RUNX1: variants seen among roughly 807,000 people sequenced by gnomAD.
RUNX1 encodes the protein RUNX family transcription factor 1.
RUNX1 carries 19 observed loss-of-function variants against 42.8 expected under a neutral mutation model. The ratio of observed to expected loss-of-function variants is 0.44; its 90% CI spans 0.31 to 0.65. The LOEUF is 0.65. Among genes scored for constraint, RUNX1 ranks in the 30% least tolerant of loss-of-function variants. RUNX1 has a pLI of 0.07. For missense variants in RUNX1, 528 were observed against 672.0 expected, an observed-to-expected ratio of 0.79 and a Z score of 2.37; for synonymous variants, 271 against 289.4, an observed-to-expected ratio of 0.94 and a Z score of 0.64.
intron 5 of RUNX1, among the ~76,000 whole-genome samples, chr21:34,876,280 T>C (rs984517058): frequency 2.6e-5 from 4 of 152,260 alleles, no homozygotes; most frequent in Non-Finnish European, 4.4e-5. Flanking sequence ...GGAGATCTAC[T>C]TTCTTAATTA....
intron 2 of RUNX1, among the ~76,000 whole-genome samples, chr21:35,048,361 G>A (rs1046278014): frequency 1.3e-5 from 2 of 152,176 alleles, no homozygotes; most frequent in South Asian, 2.1e-4. Flanking sequence ...GAGAGCCTCC[G>A]CCTCCTGCCC....
intron 6 of RUNX1, among the ~76,000 whole-genome samples, chr21:34,852,028 C>T (rs189225050): frequency 4.6e-4 from 70 of 152,108 alleles, no homozygotes; most frequent in African/African-American, 1.5e-3. Flanking sequence ...ATTAGCCGGG[C>T]GTGGTGGCAC....
intron 5 of RUNX1, among the ~76,000 whole-genome samples, chr21:34,878,883 A>G (rs1459141330): frequency 6.6e-6 from 1 of 152,228 alleles, no homozygotes; most frequent in Admixed American, 6.5e-5. Context: ...TGTCACTGGC[A>G]CGGATCACTA....
intron 2 of RUNX1, among the ~76,000 whole-genome samples, chr21:34,960,775 T>G (rs1024136648): frequency 2.0e-5 from 3 of 152,300 alleles, no homozygotes; most frequent in Middle Eastern, 6.8e-3. Flanking sequence ...GAACAAACTC[T>G]TAGTGTTTAA....
In RUNX1 at chr21:34,955,558, C is replaced by T. The variant is rs572087304; in HGVS notation, c.59-62595G>A. Among the ~76,000 whole-genome samples, 7 of 152,202 alleles carry T rather than the reference C, an allele frequency of 4.6e-5. 1 individual carries two copies. The South Asian group carries it at 8.3e-4, about 18-fold the overall frequency. ...TGAATGTAACCCGATTTGACTTAAA[C>T]GGAAGACTGAGGCAAATCATTGATG... On this transcript the variant is annotated intron_variant, in intron 2 of 8. Coordinates refer to ENST00000675419, the MANE Select transcript of RUNX1 (RefSeq NM_001754.5).
intron 2 of RUNX1, among the ~76,000 whole-genome samples, chr21:34,926,447 G>T: frequency 9.8e-6 from 1 of 102,348 alleles, no homozygotes; most frequent in Non-Finnish European, 1.8e-5. Flanking sequence ...GGGCAACAGA[G>T]TGAGACCCAG....
rs572990959 is a variant in RUNX1, at chr21:34,810,990, C to G, written c.806-11528G>C. On this transcript the variant is annotated intron_variant, in intron 7 of 8. Coordinates refer to ENST00000675419, the MANE Select transcript of RUNX1 (RefSeq NM_001754.5). ...AACATAAGCCCTTCCTCCTGCAGAGCAGCAGCCTCCTCCTTCACAAGGAGC... is the reference window on the plus strand; with the variant it reads ...AACATAAGCCCTTCCTCCTGCAGAGGAGCAGCCTCCTCCTTCACAAGGAGC... Among the ~76,000 whole-genome samples, 35 of 152,302 alleles carry G rather than the reference C, an allele frequency of 2.3e-4. No individual in the cohort carries two copies. The Middle Eastern group carries it at 0.017, about 74-fold the overall frequency.
chr21:35,009,917 A>G (rs1196732684), intron 2 of RUNX1, among the ~76,000 whole-genome samples: 2 of 152,230 alleles, frequency 1.3e-5, no homozygotes, highest in Non-Finnish European at 2.9e-5. Flanking sequence ...AGATGACCAT[A>G]TGCCACTTGC....
chr21:34,999,105 G>A (rs1476237898), intron 2 of RUNX1, among the ~76,000 whole-genome samples: 1 of 152,230 alleles, frequency 6.6e-6, no homozygotes, highest in Admixed American at 6.5e-5. Context: ...GCCTTTGGGT[G>A]AGCAGGGCAG....
intron 2 of RUNX1, among the ~76,000 whole-genome samples, chr21:34,904,870 G>A (rs1317649558): frequency 6.6e-6 from 1 of 152,190 alleles, no homozygotes; most frequent in South Asian, 2.1e-4. Flanking sequence ...TCTAGATCAA[G>A]TCTTTTTCCT....
chr21:34,886,061 A>C (rs2057981267), intron 4 of RUNX1, among the ~76,000 whole-genome samples: 3 of 152,208 alleles, frequency 2.0e-5, no homozygotes. Context: ...GCCGCGCTGA[A>C]GTCTCCGGCT....
intron 2 of RUNX1, among the ~76,000 whole-genome samples, chr21:34,904,528 A>T (rs372015321): frequency 2.4e-4 from 36 of 152,182 alleles, no homozygotes; most frequent in African/African-American, 8.7e-4. Flanking sequence ...TATTACCACA[A>T]ATGAGCCCAA....
chr21:34,997,120 C>T (rs1163805001), intron 2 of RUNX1, among the ~76,000 whole-genome samples: 1 of 152,244 alleles, frequency 6.6e-6, no homozygotes, highest in African/African-American at 2.4e-5. Flanking sequence ...CACTTTCTAT[C>T]ATTATGTGAT....
chr21:34,956,510 C>T (rs2058645254), intron 2 of RUNX1, among the ~76,000 whole-genome samples: 1 of 152,134 alleles, frequency 6.6e-6, no homozygotes, highest in Non-Finnish European at 1.5e-5. Flanking sequence ...AGAGATACAA[C>T]CACTGAAATA....
Position 34,843,262 on chromosome 21 carries a change from GAC to G in RUNX1, c.614-8663_614-8662del, listed in dbSNP as rs2057268142. On this transcript the variant is annotated intron_variant, in intron 6 of 8. Coordinates refer to ENST00000675419, the MANE Select transcript of RUNX1 (RefSeq NM_001754.5). This position sits in a 1 kb window ranked among gnomAD's most constrained non-coding sequence, Gnocchi z 4.8. ...GGATACACACATATAAATACACACA[GAC>G]ACATGTACATACGTCACACAGACAC... Among the ~76,000 whole-genome samples, 2 of 151,616 alleles carry G rather than the reference GAC, an allele frequency of 1.3e-5. No homozygotes were observed. Among genetic ancestry groups the G allele is most frequent in the Admixed American group, 6.6e-5 (1 of 15,228 alleles).
intron 2 of RUNX1, among the ~76,000 whole-genome samples, chr21:35,047,139 C>G (rs770460665): frequency 6.6e-6 from 1 of 152,170 alleles, no homozygotes; most frequent in Admixed American, 6.5e-5. Context: ...TAAAAATTTC[C>G]TGAATCTGCC....
chr21:34,808,725 G>A lies in RUNX1; in HGVS notation c.806-9263C>T, dbSNP rs2056717823. Among the ~76,000 whole-genome samples, 3 of 152,284 alleles carry A rather than the reference G, an allele frequency of 2.0e-5. No homozygotes were observed. The South Asian group carries it at 6.2e-4, about 32-fold the overall frequency. On this transcript the variant is annotated intron_variant, in intron 7 of 8. Coordinates refer to ENST00000675419, the MANE Select transcript of RUNX1 (RefSeq NM_001754.5). The stretch of plus-strand genomic sequence containing the variant: ...CATTAGCACTGTCAGACGGTTCCCA[G>A]GGGAAACAGTTCACCCTGCACCACG...
intron 2 of RUNX1, among the ~76,000 whole-genome samples, chr21:35,045,470 T>C (rs943550761): frequency 1.3e-5 from 2 of 152,186 alleles, no homozygotes; most frequent in African/African-American, 4.8e-5. Context: ...AATGACGTCA[T>C]TAGGCTAGCC....
chr21:34,981,768 T>C (rs922891258), intron 2 of RUNX1, among the ~76,000 whole-genome samples: 2 of 152,224 alleles, frequency 1.3e-5, no homozygotes, highest in Non-Finnish European at 2.9e-5. Context: ...GGCCTATTTT[T>C]TTTTGTCTCT....
Sources: allele counts gnomAD v4.1 joint callset (sites outside exome capture counted in the v4.1 genomes callset), GRCh38; gene constraint gnomAD v4.1.1; non-coding constraint Gnocchi (gnomAD v3.1); transcripts MANE v1.5; gene names NCBI Gene and HGNC (gene_info 2026-07-23, HGNC 2026-07-21).